PLCE1: variants seen among roughly 807,000 people sequenced by gnomAD.
The protein encoded by PLCE1 is 1-phosphatidylinositol 4,5-bisphosphate phosphodiesterase epsilon-1.
A neutral mutation model predicts 242.8 loss-of-function variants in PLCE1; 119 were observed. The ratio of observed to expected loss-of-function variants is 0.49; its 90% CI spans 0.42 to 0.57. The LOEUF is 0.57. Among genes scored for constraint, PLCE1 ranks in the 20% least tolerant of loss-of-function variants. PLCE1 has a pLI of 0.00. For synonymous variants in PLCE1, 945 were observed against 1,017.4 expected, an observed-to-expected ratio of 0.93 and a Z score of 1.35; for missense variants, 2,441 against 2,788.8, an observed-to-expected ratio of 0.88 and a Z score of 2.81.
intron 4 of PLCE1, among the ~76,000 whole-genome samples, chr10:94,194,555 A>G (rs2048762178): frequency 6.6e-6 from 1 of 152,216 alleles, no homozygotes; most frequent in African/African-American, 2.4e-5. Context: ...TCCAGAGGGC[A>G]CTGTTCACTT....
At chr10:94,074,211 G>A (rs1327473529) in intron 2 of PLCE1, among the ~76,000 whole-genome samples, 1 of 66,904 alleles carries the variant, frequency 1.5e-5, no homozygotes, top group African/African-American at 6.0e-5. Flanking sequence ...TTTTTTTCTT[G>A]TAGACAGAGT....
At chr10:94,269,270 T>C (rs2051634954) in intron 17 of PLCE1, among the ~76,000 whole-genome samples, 1 of 151,748 alleles carries the variant, frequency 6.6e-6, no homozygotes, top group Admixed American at 6.6e-5. Flanking sequence ...CCCAGCCAAT[T>C]TTTGTATTTC....
At chr10:94,151,657 T>C (rs573490706) in intron 3 of PLCE1, among the ~76,000 whole-genome samples, 2 of 152,160 alleles carry the variant, frequency 1.3e-5, no homozygotes, top group African/African-American at 2.4e-5. Context: ...TTTCTTAGGA[T>C]GAGAGAGGGG....
chr10:94,175,114 T>C (rs2048091032), intron 4 of PLCE1, among the ~76,000 whole-genome samples: 1 of 152,194 alleles, frequency 6.6e-6, no homozygotes, highest in Non-Finnish European at 1.5e-5. Flanking sequence ...AGTAGCTGAG[T>C]GGATATCAGA....
intron 2 of PLCE1, chr10:94,088,950 C>A: frequency 1.3e-6 from 1 of 781,642 alleles, no homozygotes; most frequent in Non-Finnish European, 1.9e-6. Flanking sequence ...TTTTGCAATG[C>A]CCTGACTCTG....
chr10:94,254,315 G>T lies in PLCE1; in HGVS notation c.3397+8G>T. On this transcript the variant is annotated splice_region_variant and intron_variant, in intron 10 of 32. Coordinates refer to ENST00000371380, the MANE Select transcript of PLCE1 (RefSeq NM_016341.4). The stretch of plus-strand genomic sequence containing the variant: ...ATGAACAAGAAGAATCAGGTAAAGC[G>T]GCATGTTTACATCTGAGATTTTTGT... The T allele has an allele frequency of 6.4e-7, 1 of 1,570,724 alleles. No homozygotes were observed. The highest frequency in any genetic ancestry group is 8.8e-7 in the Non-Finnish European group (1 of 1,140,528).
chr10:94,292,633 C>T (rs563727824), intron 22 of PLCE1, among the ~76,000 whole-genome samples: 1 of 152,296 alleles, frequency 6.6e-6, no homozygotes, highest in South Asian at 2.1e-4. Flanking sequence ...CCAGCTGTCT[C>T]ACTCCAAAGT....
intron 4 of PLCE1, 98 bp downstream of exon 4, chr10:94,171,594 A>C (rs978588316): frequency 8.4e-6 from 8 of 951,786 alleles, no homozygotes; most frequent in Non-Finnish European, 1.4e-5. Flanking sequence ...TGATGTGTTC[A>C]TTTCATTCTG....
At chr10:94,299,271 C>T (rs756489663) in intron 24 of PLCE1, among the ~76,000 whole-genome samples, 11 of 152,176 alleles carry the variant, frequency 7.2e-5, no homozygotes, top group African/African-American at 1.7e-4. Flanking sequence ...GTTTATTGCA[C>T]GCTTACTGTG....
chr10:94,032,139 G>T lies in PLCE1; in HGVS notation c.1093G>T (p.Asp365Tyr). 1 of 1,609,570 alleles carries T rather than the reference G, an allele frequency of 6.2e-7. No individual in the cohort carries two copies. The highest frequency in any genetic ancestry group is 8.5e-7 in the Non-Finnish European group (1 of 1,178,766). ...TGGGCTGACTGCATGGAGTTACATA[G>T]ATCAGAAGAGAAATGGTCCCTTACT... ...HIGLTAWSYI[D>Y]QKRNGPLLPC... The change falls in exon 2 of 33, where the codon GAT (aspartate) becomes TAT (tyrosine). Residue 365 changes from aspartate to tyrosine, a missense_variant. Transcript: ENST00000371380.
At chr10:94,036,980 C>T (rs1184143194) in intron 2 of PLCE1, among the ~76,000 whole-genome samples, 1 of 151,790 alleles carries the variant, frequency 6.6e-6, no homozygotes. Flanking sequence ...CTCAGATACA[C>T]TAAAGAGTAA....
At chr10:94,230,571 C>T (rs535444656) in intron 5 of PLCE1, among the ~76,000 whole-genome samples, 49 of 151,946 alleles carry the variant, frequency 3.2e-4, no homozygotes, top group East Asian at 1.2e-3. Context: ...GTGATCCACA[C>T]GCCTCAGCCT....
chr10:94,262,001 C>T (rs1304045794), intron 13 of PLCE1, among the ~76,000 whole-genome samples: 1 of 135,258 alleles, frequency 7.4e-6, no homozygotes. Flanking sequence ...TCTTCTTTTC[C>T]TTTTTTTTTT....
chr10:94,013,336 C>A (rs559779396), intron 1 of PLCE1, among the ~76,000 whole-genome samples: 1 of 152,280 alleles, frequency 6.6e-6, no homozygotes, highest in South Asian at 2.1e-4. Flanking sequence ...TATCACCATG[C>A]CAAGGTCACA....
chr10:94,280,496 T>A (rs1426313161), intron 20 of PLCE1: 1 of 154,540 alleles, frequency 6.5e-6, no homozygotes, highest in Non-Finnish European at 1.4e-5. Context: ...AACTACAGAT[T>A]ACTAGCGAAG....
At chr10:94,213,025 CT>C (rs1312074280) in intron 4 of PLCE1, among the ~76,000 whole-genome samples, 9 of 152,228 alleles carry the variant, frequency 5.9e-5, no homozygotes, top group African/African-American at 2.2e-4. Context: ...AGCCAGGCTG[CT>C]GGGCCCTTGT....
At position 94,110,777 on chromosome 10, in the gene PLCE1, C is replaced by T. The variant is rs75402702; in HGVS notation, c.1207-21397C>T. ...AAGGGTGTTTTACTGAAAACAGAAGCATCATCCTTCTCTGTTGGTAATTTT... is the reference window on the plus strand; with the variant it reads ...AAGGGTGTTTTACTGAAAACAGAAGTATCATCCTTCTCTGTTGGTAATTTT... On this transcript the variant is annotated intron_variant, in intron 2 of 32. Transcript: ENST00000371380. 2.0e-5 allele frequency among the ~76,000 whole-genome samples: 3 copies of T among 152,260 alleles called. No homozygotes were observed. In the East Asian group the frequency reaches 5.8e-4, roughly 29 times the overall value.
At chr10:94,090,604 G>C (rs566801884) in intron 2 of PLCE1, among the ~76,000 whole-genome samples, 1 of 152,258 alleles carries the variant, frequency 6.6e-6, no homozygotes, top group East Asian at 1.9e-4. Context: ...TAGATGCAGG[G>C]ACTCCTGATC....
chr10:94,173,353 C>G (rs549070923), intron 4 of PLCE1, among the ~76,000 whole-genome samples: 11 of 152,070 alleles, frequency 7.2e-5, no homozygotes, highest in Non-Finnish European at 1.6e-4. Flanking sequence ...ATGTCACTGC[C>G]CCAAAGTTGT....
Sources: allele counts gnomAD v4.1 joint callset (sites outside exome capture counted in the v4.1 genomes callset), GRCh38; gene constraint gnomAD v4.1.1; transcripts MANE v1.5; gene names NCBI Gene and HGNC (gene_info 2026-07-23, HGNC 2026-07-21).